Variants in STIM2 observed in about 807,000 individuals in gnomAD.
STIM2 encodes stromal interaction molecule 2.
A neutral mutation model predicts 85.8 loss-of-function variants in STIM2; 31 were observed. The observed-to-expected ratio is 0.36, with a 90% CI of 0.27 to 0.49. The LOEUF (loss-of-function observed/expected upper bound fraction) is 0.49. Ranked by LOEUF, STIM2 falls within the 20% of genes least tolerant of loss-of-function variation. The pLI, the probability that STIM2 is intolerant of heterozygous loss-of-function variation, is 0.98. For missense variants in STIM2, 841 were observed against 927.6 expected (o/e 0.91, Z 1.21); for synonymous variants, 356 against 331.1 (o/e 1.08, Z -0.82).
intron 3 of STIM2, among the ~76,000 whole-genome samples, chr4:26,971,949 C>T (rs1310126821): frequency 6.6e-6 from 1 of 152,128 alleles, no homozygotes; most frequent in Admixed American, 6.5e-5. Flanking sequence ...TTGAAGAGGT[C>T]CTTCCCATCC....
rs187005626 is a variant in STIM2, at chr4:26,996,837, A to G, written c.509+1347A>G. Among the ~76,000 whole-genome samples the G allele has an allele frequency of 2.0e-5, 3 of 152,272 alleles. No homozygotes were observed. The East Asian group carries it at 5.8e-4, about 29-fold the overall frequency. On this transcript the variant is annotated intron_variant, in intron 4 of 11. Transcript: ENST00000467087. ...ATAGGAATTTTCTTGTTGCCTTTTG[A>G]GAAACTTGTTTGTTTAACAACAACA...
At chr4:27,019,443 G>C (rs1284242346) in intron 11 of STIM2, 1 of 1,289,790 alleles carries the variant, frequency 7.8e-7, no homozygotes, top group Non-Finnish European at 1.0e-6. Context: ...GACAGAACTG[G>C]TCTTGTGTGG....
At chr4:26,919,784 TAATA>T in intron 2 of STIM2, 150 bp downstream of exon 2, 1 of 927,170 alleles carries the variant, frequency 1.1e-6, no homozygotes, top group South Asian at 1.8e-5. Flanking sequence ...ATTTTACCCT[TAATA>T]AACATTTACA....
At chr4:26,927,532 G>A (rs1482210495) in intron 2 of STIM2, among the ~76,000 whole-genome samples, 1 of 58,252 alleles carries the variant, frequency 1.7e-5, no homozygotes, top group Non-Finnish European at 3.3e-5. Flanking sequence ...GACTGTGGTG[G>A]GGTCGGGGGA....
chr4:26,966,679 T>C (rs1726737346), intron 3 of STIM2, among the ~76,000 whole-genome samples: 1 of 152,158 alleles, frequency 6.6e-6, no homozygotes, highest in South Asian at 2.1e-4. Flanking sequence ...TTTCTAAAAA[T>C]TCTAAACATT....
At chr4:27,013,938 A>G (rs913880348) in intron 10 of STIM2, among the ~76,000 whole-genome samples, 2 of 152,142 alleles carry the variant, frequency 1.3e-5, no homozygotes, top group South Asian at 2.1e-4. Flanking sequence ...AACTTCTTTA[A>G]TGATTAAAAG....
chr4:26,927,626 C>T (rs1455294002), intron 2 of STIM2, among the ~76,000 whole-genome samples: 1 of 55,362 alleles, frequency 1.8e-5, no homozygotes, highest in African/African-American at 7.3e-5. Context: ...CACATGTATA[C>T]ATATGTAACT....
chr4:26,905,761 C>T (rs1156839707), intron 1 of STIM2, among the ~76,000 whole-genome samples: 1 of 152,046 alleles, frequency 6.6e-6, no homozygotes, highest in Non-Finnish European at 1.5e-5. Flanking sequence ...TGCTATGTGC[C>T]AAGTGGTGTT....
At chr4:26,906,494 TA>T (rs1247746536) in intron 1 of STIM2, among the ~76,000 whole-genome samples, 1 of 149,992 alleles carries the variant, frequency 6.7e-6, no homozygotes, top group Admixed American at 6.7e-5. Context: ...ATAGGTGATA[TA>T]ATGATTGGAC....
At chr4:27,019,473 A>G in intron 11 of STIM2, 5 of 1,289,828 alleles carry the variant, frequency 3.9e-6, no homozygotes, top group Non-Finnish European at 5.1e-6. Flanking sequence ...ATCAGAAGGA[A>G]AACTCGAGAG....
intron 1 of STIM2, among the ~76,000 whole-genome samples, chr4:26,900,372 G>C (rs371656438): frequency 6.6e-6 from 1 of 152,142 alleles, no homozygotes; most frequent in East Asian, 1.9e-4. Context: ...CATGACATTA[G>C]GGGGAAAGAG....
intron 11 of STIM2, chr4:27,019,600 A>G: frequency 5.2e-6 from 4 of 771,754 alleles, no homozygotes; most frequent in Non-Finnish European, 7.5e-6. Context: ...AATTTGGAAA[A>G]CTTTTCTTCC....
Position 26,860,924 on chromosome 4 carries a change from CTTTTTTTT to C in STIM2, c.-284_-277del. On this transcript the variant is annotated 5_prime_UTR_variant, in exon 1 of 12. Coordinates refer to ENST00000467087, the MANE Select transcript of STIM2 (RefSeq NM_020860.4). The stretch of plus-strand genomic sequence containing the variant: ...GACGCCGTACCTTTCTACCCCCCAC[CTTTTTTTT>C]TTTTTTTTTTAAATAACCGGAACCA... 1 of 1,010,200 alleles carries C rather than the reference CTTTTTTTT, an allele frequency of 9.9e-7. No individual in the cohort carries two copies. Among genetic ancestry groups the C allele is most frequent in the Non-Finnish European group, 1.2e-6 (1 of 824,198 alleles). The allele number at this position is 1,010,200 out of a possible 1,614,324, so 62.6% of individuals were successfully genotyped here.
chr4:27,008,685 T>C, intron 9 of STIM2, 79 bp from the exon 10 acceptor site: 6 of 1,361,904 alleles, frequency 4.4e-6, no homozygotes, highest in Non-Finnish European at 6.2e-6. Context: ...TGCCATGGTC[T>C]GTTCATGTAT....
chr4:26,910,013 A>T (rs114691018), intron 1 of STIM2, among the ~76,000 whole-genome samples: 1,697 of 152,288 alleles, frequency 0.011, 17 homozygotes, highest in Non-Finnish European at 0.015. Context: ...CTGTGATTTT[A>T]TATATGTGTG....
At chr4:27,020,119 A>G (rs1728864385) in intron 11 of STIM2, among the ~76,000 whole-genome samples, 1 of 152,240 alleles carries the variant, frequency 6.6e-6, no homozygotes, top group South Asian at 2.1e-4. Context: ...TAGGAACCCA[A>G]GTCTCCTGAC....
intron 2 of STIM2, among the ~76,000 whole-genome samples, chr4:26,932,467 T>G (rs1459283835): frequency 6.6e-6 from 1 of 152,212 alleles, no homozygotes; most frequent in Non-Finnish European, 1.5e-5. Context: ...GACACTAAAC[T>G]TACTGTAGCA....
At chr4:26,994,279 G>A (rs112422514) in intron 3 of STIM2, among the ~76,000 whole-genome samples, 2,933 of 152,066 alleles carry the variant, frequency 0.019, 65 homozygotes, top group Admixed American at 0.068. Context: ...GCCCCTGCTC[G>A]TTTCCCCAAT....
chr4:26,898,112 A>G (rs1038840005), intron 1 of STIM2, among the ~76,000 whole-genome samples: 2 of 152,354 alleles, frequency 1.3e-5, no homozygotes, highest in Admixed American at 1.3e-4. Flanking sequence ...GAGAATTCAC[A>G]TAAGATTGAT....
Sources: allele counts gnomAD v4.1 joint callset (sites outside exome capture counted in the v4.1 genomes callset), GRCh38; gene constraint gnomAD v4.1.1; transcripts MANE v1.5; gene names NCBI Gene and HGNC (gene_info 2026-07-23, HGNC 2026-07-21).